MAN1A2: variants seen among roughly 807,000 people sequenced by gnomAD.
MAN1A2 encodes the protein mannosidase alpha class 1A member 2, also known as mannosyl-oligosaccharide 1,2-alpha-mannosidase IB.
MAN1A2 carries 26 observed loss-of-function variants against 75.7 expected under a neutral mutation model. The observed-to-expected ratio is 0.34, with a 90% CI of 0.25 to 0.48. The LOEUF is 0.48. Among genes scored for constraint, MAN1A2 ranks in the 20% least tolerant of loss-of-function variants. The pLI, the probability that MAN1A2 is intolerant of heterozygous loss-of-function variation, is 0.99. For missense variants in MAN1A2, 562 were observed against 775.5 expected (o/e 0.72, Z 3.27); for synonymous variants, 247 against 264.6 (o/e 0.93, Z 0.65).
rs1557959136 is a variant in MAN1A2 at position 117,458,516 on chromosome 1, TATATATA to T, written c.951-1972_951-1966del. Among the ~76,000 whole-genome samples the T allele has an allele frequency of 4.7e-4, 51 of 107,996 alleles. 1 individual carries two copies. Among genetic ancestry groups the T allele is most frequent in the African/African-American group, 2.0e-3 (51 of 25,320 alleles). 70.8% of individuals were successfully genotyped at this position (107,996 alleles called of 152,430 possible). On this transcript the variant is annotated intron_variant, in intron 6 of 12. Coordinates refer to ENST00000356554, the MANE Select transcript of MAN1A2 (RefSeq NM_006699.5). Reference sequence around the variant, plus strand: ...ATATATCTATATATATATATAGATATATATATATTTTTTTTTTTTTTTTTGAGACAGA... The same window carrying T: ...ATATATCTATATATATATATAGATATTTTTTTTTTTTTTTTTTGAGACAGA...
intron 12 of MAN1A2, among the ~76,000 whole-genome samples, chr1:117,522,284 TA>T (rs1651891018): frequency 6.6e-6 from 1 of 151,866 alleles, no homozygotes; most frequent in African/African-American, 2.4e-5. Context: ...ACAAATTACA[TA>T]GATAATATGT....
chr1:117,381,702 G>C (rs1401230203), intron 1 of MAN1A2, among the ~76,000 whole-genome samples: 1 of 151,924 alleles, frequency 6.6e-6, no homozygotes, highest in Non-Finnish European at 1.5e-5. Flanking sequence ...TATATACCCA[G>C]TAATGGGATG....
intron 7 of MAN1A2, among the ~76,000 whole-genome samples, chr1:117,461,514 A>T (rs906410763): frequency 1.3e-5 from 2 of 152,150 alleles, no homozygotes; most frequent in Admixed American, 6.6e-5. Flanking sequence ...TATAACAATG[A>T]TTTGTTGTAT....
At chr1:117,423,885 CT>C (rs568455134) in intron 5 of MAN1A2, among the ~76,000 whole-genome samples, 17,338 of 140,816 alleles carry the variant, frequency 0.12, 960 homozygotes, top group Non-Finnish European at 0.14. Context: ...TTCTTTCTTT[CT>C]TTTTTTTTTT....
chr1:117,368,328 C>T lies in MAN1A2; in HGVS notation c.145C>T (p.Leu49=). ...LLLILSAFIT[L]CFGAFFFLPD... ...CCTTATTCTTAGTGCCTTCATCACT[C>T]TGTGTTTTGGGGCATTCTTTTTCCT... Residue 49 remains leucine, a synonymous_variant, in exon 1 of 13, where the codon CTG becomes TTG. Coordinates refer to ENST00000356554, the MANE Select transcript of MAN1A2 (RefSeq NM_006699.5). 6.2e-7 allele frequency: 1 copy of T among 1,614,118 alleles called. No individual in the cohort carries two copies. Among genetic ancestry groups the T allele is most frequent in the Non-Finnish European group, 8.5e-7 (1 of 1,180,014 alleles).
intron 12 of MAN1A2, among the ~76,000 whole-genome samples, chr1:117,514,365 A>C (rs1377129750): frequency 7.4e-5 from 11 of 149,360 alleles, no homozygotes; most frequent in Admixed American, 5.3e-4. Flanking sequence ...CCATCTCAAA[A>C]AAAAAAAAAA....
chr1:117,526,929 TGA>T lies in MAN1A2; in HGVS notation c.*3977_*3978del. On this transcript the variant is annotated 3_prime_UTR_variant, in exon 13 of 13. Coordinates refer to ENST00000356554, the MANE Select transcript of MAN1A2 (RefSeq NM_006699.5). The stretch of plus-strand genomic sequence containing the variant: ...ATATATGAGAGATATATGAGATATA[TGA>T]GAGATCAAGATCTATATATGTATAT... 7.0e-6 allele frequency: 1 copy of T among 143,310 alleles called. No homozygotes were observed. The highest frequency in any genetic ancestry group is 2.2e-4 in the South Asian group (1 of 4,602). The allele number at this position is 143,310 out of a possible 1,614,324, so 8.9% of individuals were successfully genotyped here.
intron 12 of MAN1A2, among the ~76,000 whole-genome samples, chr1:117,509,875 A>G (rs1651477090): frequency 6.6e-6 from 1 of 151,800 alleles, no homozygotes; most frequent in African/African-American, 2.4e-5. Flanking sequence ...CAAAGAGAAT[A>G]ATTATTAAAT....
chr1:117,399,613 G>A (rs901735879), intron 1 of MAN1A2, among the ~76,000 whole-genome samples: 6 of 152,180 alleles, frequency 3.9e-5, no homozygotes, highest in Non-Finnish European at 2.9e-5. Flanking sequence ...ATTGAGGGCC[G>A]TGGTGGTAAC....
chr1:117,421,095 C>G (rs1400862442), intron 5 of MAN1A2, among the ~76,000 whole-genome samples: 1 of 152,040 alleles, frequency 6.6e-6, no homozygotes, highest in Non-Finnish European at 1.5e-5. Context: ...CTGAATTCTC[C>G]TCTCTGGAAA....
intron 1 of MAN1A2, among the ~76,000 whole-genome samples, chr1:117,375,973 G>A (rs1433627600): frequency 5.3e-5 from 8 of 150,186 alleles, no homozygotes; most frequent in Admixed American, 5.3e-4. Context: ...GTGCAGTGGC[G>A]CGATCTCGGC....
At chr1:117,445,633 C>T (rs577614690) in intron 6 of MAN1A2, among the ~76,000 whole-genome samples, 155 of 150,468 alleles carry the variant, frequency 1.0e-3, no homozygotes, top group Middle Eastern at 3.4e-3. Flanking sequence ...CTTAAGTGAT[C>T]CCCCCATCTC....
At chr1:117,407,525 A>G (rs968701543) in intron 3 of MAN1A2, among the ~76,000 whole-genome samples, 3 of 152,230 alleles carry the variant, frequency 2.0e-5, no homozygotes, top group African/African-American at 7.2e-5. Context: ...CTTTGCTTGC[A>G]ATATTCTAGA....
intron 8 of MAN1A2, among the ~76,000 whole-genome samples, chr1:117,474,943 T>A (rs1650270153): frequency 6.6e-6 from 1 of 151,996 alleles, no homozygotes; most frequent in African/African-American, 2.4e-5. Flanking sequence ...ATAAATGGCA[T>A]CCTTTATTTG....
chr1:117,459,781 C>T (rs1649754919), intron 6 of MAN1A2, among the ~76,000 whole-genome samples: 1 of 151,952 alleles, frequency 6.6e-6, no homozygotes, highest in Non-Finnish European at 1.5e-5. Flanking sequence ...GGAAATAGCC[C>T]AAGGGACCAT....
intron 12 of MAN1A2, among the ~76,000 whole-genome samples, chr1:117,510,541 G>A (rs1435130436): frequency 6.6e-6 from 1 of 151,998 alleles, no homozygotes. Context: ...GAAGTAAATG[G>A]AATGACAGTT....
chr1:117,503,324 C>T (rs1651257871), intron 12 of MAN1A2, among the ~76,000 whole-genome samples: 1 of 151,404 alleles, frequency 6.6e-6, no homozygotes, highest in South Asian at 2.1e-4. Context: ...AACAAGCTCC[C>T]ATGTGTTACT....
chr1:117,414,618 A>G (rs1281608128), intron 3 of MAN1A2, 95 bp from the exon 4 acceptor site: 3 of 652,358 alleles, frequency 4.6e-6, no homozygotes, highest in Non-Finnish European at 8.3e-6. Context: ...TAATTAAAAT[A>G]CACTGAATGT....
At chr1:117,368,637 A>G in intron 1 of MAN1A2, 152 bp downstream of exon 1, 4 of 702,216 alleles carry the variant, frequency 5.7e-6, no homozygotes, top group Non-Finnish European at 9.2e-6. Flanking sequence ...GAATAAAACC[A>G]TAGACTGGAG....
Sources: gnomAD v4.1 joint callset for allele counts (sites outside exome capture counted in the v4.1 genomes callset) on GRCh38, gnomAD v4.1.1 for gene constraint, MANE v1.5 for transcripts, NCBI Gene and HGNC (gene_info 2026-07-23, HGNC 2026-07-21) for gene names.